Variants in TFCP2L1 observed in about 807,000 individuals in gnomAD.
TFCP2L1 encodes the protein transcription factor CP2-like protein 1.
Under a neutral mutation model 72.2 loss-of-function variants are expected in TFCP2L1, and 12 were observed. That is an observed-to-expected ratio of 0.17 (90% confidence interval 0.11 to 0.27). TFCP2L1 has a LOEUF of 0.27. TFCP2L1 is among the 10% of genes least tolerant of loss of function. The probability of loss-of-function intolerance (pLI) is 1.00; values close to 1 mark genes in which losing one functional copy is unlikely to be tolerated. For synonymous variants in TFCP2L1, 260 were observed against 251.0 expected (o/e 1.04, Z -0.34); for missense variants, 488 against 624.6 (o/e 0.78, Z 2.33).
At position 121,222,937 on chromosome 2, in the gene TFCP2L1, T is replaced by C. The variant is rs972477527; in HGVS notation, c.*1404A>G. 6.6e-6 allele frequency: 1 copy of C among 152,228 alleles called. No individual in the cohort carries two copies. Among genetic ancestry groups the C allele is most frequent in the African/African-American group, 2.4e-5 (1 of 41,472 alleles). The allele number at this position is 152,228 out of a possible 1,614,324, so 9.4% of individuals were successfully genotyped here. The stretch of plus-strand genomic sequence containing the variant: ...TAACAGAGCCCCTTTTATTCCGAGA[T>C]GTCCTGGTTTATATGATAAATTTAT... On this transcript the variant is annotated 3_prime_UTR_variant, in exon 15 of 15. Transcript: ENST00000263707.
In TFCP2L1 at chr2:121,221,763, A is replaced by G. The variant is rs925954549; in HGVS notation, c.*2578T>C. ...AAAAAAAATACGTATCTTGGAAATC[A>G]TCAAAGTTAAAAAGTTTTGTGTCTC... On this transcript the variant is annotated 3_prime_UTR_variant, in exon 15 of 15. Coordinates refer to ENST00000263707, the MANE Select transcript of TFCP2L1 (RefSeq NM_014553.3). The G allele has an allele frequency of 6.6e-6, 1 of 152,244 alleles. No individual in the cohort carries two copies. Among genetic ancestry groups the G allele is most frequent in the Non-Finnish European group, 1.5e-5 (1 of 68,052 alleles). The allele number at this position is 152,244 out of a possible 1,614,324, so 9.4% of individuals were successfully genotyped here. A position where few individuals can be genotyped will look rare whatever the true frequency, so the allele number is the denominator to read the frequency against.
chr2:121,271,200 TA>T (rs70954542), intron 2 of TFCP2L1, among the ~76,000 whole-genome samples: 42,614 of 129,890 alleles, frequency 0.33, 8,680 homozygotes, highest in African/African-American at 0.61. Flanking sequence ...AAAATAAAAA[TA>T]AAAAAAAAAA....
At chr2:121,262,746 G>A (rs998577271) in intron 2 of TFCP2L1, among the ~76,000 whole-genome samples, 8 of 152,098 alleles carry the variant, frequency 5.3e-5, no homozygotes, top group Non-Finnish European at 1.0e-4. Context: ...TGAGGACAGG[G>A]TACCCAGAAG....
chr2:121,275,683 G>A (rs904840570), intron 2 of TFCP2L1, among the ~76,000 whole-genome samples: 1 of 147,552 alleles, frequency 6.8e-6, no homozygotes, highest in African/African-American at 2.5e-5. Flanking sequence ...CAATTATCCT[G>A]CCTCAGCCTC....
At chr2:121,234,694 AT>A (rs1239343123) in intron 11 of TFCP2L1, among the ~76,000 whole-genome samples, 3 of 152,362 alleles carry the variant, frequency 2.0e-5, no homozygotes, top group East Asian at 3.9e-4. Flanking sequence ...CTAAAGTTAA[AT>A]AAAAATTTCG....
Position 121,237,612 on chromosome 2 carries a change from G to A in TFCP2L1, c.1003+11C>T. The A allele has an allele frequency of 2.5e-6, 4 of 1,614,018 alleles. No homozygotes were observed. The highest frequency in any genetic ancestry group is 3.4e-6 in the Non-Finnish European group (4 of 1,180,016). Reference sequence around the variant, plus strand: ...ACTCATGGGCTTTAAACACAGTTCGGAGATGCTCACCTGAGAAGCTGGCAA... The same window carrying A: ...ACTCATGGGCTTTAAACACAGTTCGAAGATGCTCACCTGAGAAGCTGGCAA... On this transcript the variant is annotated intron_variant, in intron 10 of 14. Transcript: ENST00000263707.
chr2:121,242,255 G>T (rs919575715), intron 7 of TFCP2L1, 104 bp downstream of exon 7: 3 of 956,174 alleles, frequency 3.1e-6, no homozygotes, highest in African/African-American at 3.2e-5. Context: ...AGCACTCTCA[G>T]AAGTAGTCAC....
At chr2:121,228,376 T>C (rs1035587385) in intron 13 of TFCP2L1, among the ~76,000 whole-genome samples, 2 of 151,926 alleles carry the variant, frequency 1.3e-5, no homozygotes, top group African/African-American at 4.8e-5. Flanking sequence ...TCACAGCATG[T>C]CCACCTTCCT....
At chr2:121,261,940 A>G (rs1209148745) in intron 2 of TFCP2L1, among the ~76,000 whole-genome samples, 3 of 152,204 alleles carry the variant, frequency 2.0e-5, no homozygotes, top group Non-Finnish European at 2.9e-5. Context: ...TCACTTCAGT[A>G]GTAGTCTTGC....
chr2:121,238,403 C>G (rs1194011677), intron 8 of TFCP2L1, among the ~76,000 whole-genome samples: 1 of 152,186 alleles, frequency 6.6e-6, no homozygotes, highest in Non-Finnish European at 1.5e-5. Context: ...AGAGGGGGTG[C>G]ACAAGCTTCC....
intron 2 of TFCP2L1, among the ~76,000 whole-genome samples, chr2:121,251,668 G>T (rs75675971): frequency 0.043 from 6,556 of 152,178 alleles, 218 homozygotes; most frequent in East Asian, 0.13. Flanking sequence ...TTGCTGACAG[G>T]CTATTTCAAG....
intron 2 of TFCP2L1, 41 bp from the exon 3 acceptor site, chr2:121,249,688 T>A: frequency 3.7e-6 from 6 of 1,607,332 alleles, no homozygotes; most frequent in Non-Finnish European, 5.1e-6. Context: ...TTCTGAGTAT[T>A]TCTAAATTTG....
chr2:121,239,425 T>C (rs560555221), intron 8 of TFCP2L1, 133 bp downstream of exon 8: 1 of 945,752 alleles, frequency 1.1e-6, no homozygotes, highest in Non-Finnish European at 1.7e-6. Context: ...CTGAAGACAG[T>C]TGTGACTGCA....
At chr2:121,281,467 G>A (rs1192145546) in intron 1 of TFCP2L1, among the ~76,000 whole-genome samples, 196 bp from the exon 2 acceptor site, 2 of 152,008 alleles carry the variant, frequency 1.3e-5, no homozygotes, top group Non-Finnish European at 2.9e-5. Flanking sequence ...GCTCCTTCGT[G>A]ACTCTAGTTT....
In TFCP2L1 at chr2:121,249,646, A is replaced by G. The variant is rs1447823503; in HGVS notation, c.216T>C (p.Gly72=). The stretch of plus-strand genomic sequence containing the variant: ...CCAGTAGTCGGATTTCATAAGACTG[A>G]CCTGGATGGGGGTTAAAAGGACATT... ...HEETLTYLNQ[G]QSYEIRLLEN... is the part of the protein sequence containing the mutation. Residue 72 remains glycine (G), a splice_region_variant and synonymous_variant, in exon 3 of 15, where the codon GGT becomes GGC. Transcript: ENST00000263707. The G allele has an allele frequency of 6.2e-7, 1 of 1,614,088 alleles. No individual in the cohort carries two copies. The highest frequency in any genetic ancestry group is 1.7e-5 in the Admixed American group (1 of 60,024).
rs1686548461 is a variant in TFCP2L1, at chr2:121,249,048, A to G, written c.331T>C (p.Tyr111His). The G allele has an allele frequency of 6.2e-7, 1 of 1,602,246 alleles. No homozygotes were observed. The highest frequency in any genetic ancestry group is 1.7e-5 in the Admixed American group (1 of 58,816). Reference sequence around the variant, plus strand: ...CCCTCCAGCTGCTGGTGCTCCGTATACTGCAGCCGGCGGTCATGGAAGACC... The same window carrying G: ...CCCTCCAGCTGCTGGTGCTCCGTATGCTGCAGCCGGCGGTCATGGAAGACC... The part of the protein sequence containing the change: ...RVVFHDRRLQ[Y>H]TEHQQLEGWR... Residue 111 changes from tyrosine to histidine, a missense_variant, in exon 4 of 15, where the codon TAT becomes CAT. Tyr to His is a moderately conservative substitution (Grantham distance 83). Around this residue, in one of 3 missense-constraint regions of TFCP2L1, gnomAD observed 129 missense variants for 236.0 expected, o/e 0.55. Coordinates refer to ENST00000263707, the MANE Select transcript of TFCP2L1 (RefSeq NM_014553.3).
chr2:121,264,480 G>C (rs904695095), intron 2 of TFCP2L1, among the ~76,000 whole-genome samples: 2 of 152,214 alleles, frequency 1.3e-5, no homozygotes, highest in Non-Finnish European at 2.9e-5. Flanking sequence ...CAAGTGAGCA[G>C]GTGACCAAGC....
At chr2:121,231,125 A>G (rs1686134739) in intron 13 of TFCP2L1, among the ~76,000 whole-genome samples, 1 of 152,150 alleles carries the variant, frequency 6.6e-6, no homozygotes, top group African/African-American at 2.4e-5. Flanking sequence ...TAACACCCAC[A>G]TCATATAGAG....
At chr2:121,227,083 A>G (rs1363167811) in intron 13 of TFCP2L1, among the ~76,000 whole-genome samples, 5 of 152,244 alleles carry the variant, frequency 3.3e-5, no homozygotes, top group Non-Finnish European at 2.9e-5. Flanking sequence ...ATGACCTTCC[A>G]AACAAAATGT....
Sources: gnomAD v4.1 joint callset for allele counts (sites outside exome capture counted in the v4.1 genomes callset) on GRCh38, gnomAD v4.1.1 for gene constraint, gnomAD v4.1.1 regional missense constraint, MANE v1.5 for transcripts, NCBI Gene and HGNC (gene_info 2026-07-23, HGNC 2026-07-21) for gene names.